The following CSMD1 variants were observed in gnomAD, a reference collection of about 807,000 sequenced individuals.
CSMD1 encodes CUB and Sushi multiple domains 1, also known as CUB and sushi domain-containing protein 1.
In CSMD1, 213 loss-of-function variants were observed where a neutral mutation model predicts 417.5. That is an observed-to-expected ratio of 0.51 (90% CI 0.46 to 0.57). The LOEUF is 0.57. Among genes scored for constraint, CSMD1 ranks in the 20% least tolerant of loss-of-function variants. CSMD1 has a pLI of 0.00. For missense variants in CSMD1, 6,923 were observed against 4,529.7 expected (o/e 1.53, Z -15.17); for synonymous variants, 2,862 against 1,736.8 (o/e 1.65, Z -16.11).
chr8:4,896,087 C>T (rs79457817), intron 1 of CSMD1, among the ~76,000 whole-genome samples: 1 of 152,050 alleles, frequency 6.6e-6, no homozygotes, highest in Non-Finnish European at 1.5e-5. Flanking sequence ...CTTCCTCTGT[C>T]TGAAAATTTT....
chr8:3,180,341 T>C (rs527407364), intron 37 of CSMD1, among the ~76,000 whole-genome samples: 33 of 152,264 alleles, frequency 2.2e-4, no homozygotes, highest in African/African-American at 7.5e-4. Context: ...AACACACAAA[T>C]GCAGGCTCCG....
At chr8:4,311,027 G>C (rs745854480) in intron 3 of CSMD1, among the ~76,000 whole-genome samples, 2 of 152,164 alleles carry the variant, frequency 1.3e-5, no homozygotes, top group East Asian at 1.9e-4. Flanking sequence ...GTGGAGAAAA[G>C]GGAACACTTA....
intron 12 of CSMD1, among the ~76,000 whole-genome samples, chr8:3,447,784 A>G (rs547207326): frequency 1.3e-5 from 2 of 152,238 alleles, no homozygotes; most frequent in African/African-American, 4.8e-5. Flanking sequence ...GTGGCAGTGG[A>G]TGGAGGGTGC....
intron 8 of CSMD1, among the ~76,000 whole-genome samples, chr8:3,611,214 C>G (rs532618157): frequency 1.7e-4 from 25 of 150,800 alleles, no homozygotes; most frequent in Admixed American, 6.6e-4. Flanking sequence ...CACATGTACC[C>G]TAAAAACTTA....
intron 3 of CSMD1, among the ~76,000 whole-genome samples, chr8:4,124,751 G>C (rs1034743651): frequency 3.3e-5 from 5 of 152,154 alleles, no homozygotes; most frequent in African/African-American, 1.2e-4. Flanking sequence ...TGCAAACTAA[G>C]GGACTGAAAC....
chr8:3,733,600 C>T (rs932208401), intron 6 of CSMD1, among the ~76,000 whole-genome samples: 4 of 152,034 alleles, frequency 2.6e-5, no homozygotes, highest in Admixed American at 1.3e-4. Flanking sequence ...CCCTGCACCG[C>T]CCTGCTGCAT....
At chr8:4,572,009 G>C (rs1448355869) in intron 2 of CSMD1, among the ~76,000 whole-genome samples, 2 of 152,200 alleles carry the variant, frequency 1.3e-5, no homozygotes, top group African/African-American at 4.8e-5. Context: ...TGGAGCCTAT[G>C]TGTGTCTTCG....
At chr8:4,867,641 C>A (rs950351582) in intron 1 of CSMD1, among the ~76,000 whole-genome samples, 8 of 152,048 alleles carry the variant, frequency 5.3e-5, no homozygotes, top group Middle Eastern at 3.4e-3. Flanking sequence ...GTCGCAATGC[C>A]AGATTGGAAA....
At chr8:3,202,696 C>T (rs537734919) in intron 31 of CSMD1, among the ~76,000 whole-genome samples, 4 of 152,246 alleles carry the variant, frequency 2.6e-5, no homozygotes, top group East Asian at 3.9e-4. Flanking sequence ...AGAATTCCAA[C>T]GGAAACAATT....
At chr8:3,981,488 T>A (rs1813859492) in intron 5 of CSMD1, among the ~76,000 whole-genome samples, 1 of 108,604 alleles carries the variant, frequency 9.2e-6, no homozygotes, top group South Asian at 2.9e-4. Flanking sequence ...TCCAATAACT[T>A]ATAGAAAAAA....
At chr8:3,110,015 C>G (rs1025213641) in intron 43 of CSMD1, 143 bp downstream of exon 43, 1 of 691,796 alleles carries the variant, frequency 1.4e-6, no homozygotes, top group African/African-American at 1.8e-5. Context: ...TTCCCTATAT[C>G]TCTGGATTTC....
chr8:4,102,840 C>G (rs996540180), intron 3 of CSMD1, among the ~76,000 whole-genome samples: 5 of 152,154 alleles, frequency 3.3e-5, no homozygotes, highest in Non-Finnish European at 5.9e-5. Flanking sequence ...TGCTTGATAT[C>G]AGGAAGGAAT....
intron 3 of CSMD1, among the ~76,000 whole-genome samples, chr8:4,151,273 G>T: frequency 6.6e-6 from 1 of 152,240 alleles, no homozygotes; most frequent in South Asian, 2.1e-4. Flanking sequence ...GACTACTTTA[G>T]ACCATGCATG....
intron 3 of CSMD1, among the ~76,000 whole-genome samples, chr8:4,219,091 T>A (rs1288170525): frequency 6.6e-6 from 1 of 152,202 alleles, no homozygotes; most frequent in Non-Finnish European, 1.5e-5. Context: ...TTCCTGTTCC[T>A]CTAACACCCA....
At chr8:4,296,051 A>T (rs1002004604) in intron 3 of CSMD1, among the ~76,000 whole-genome samples, 1 of 152,108 alleles carries the variant, frequency 6.6e-6, no homozygotes, top group Non-Finnish European at 1.5e-5. Flanking sequence ...TGCAAAAAAG[A>T]CTGAAGGAGC....
At chr8:3,506,600 G>C (rs940724527) in intron 10 of CSMD1, among the ~76,000 whole-genome samples, 3 of 151,982 alleles carry the variant, frequency 2.0e-5, no homozygotes, top group African/African-American at 7.3e-5. Flanking sequence ...ATATCTCTAT[G>C]TCTCCCAAAA....
At chr8:3,672,153 G>C (rs141141906) in intron 7 of CSMD1, among the ~76,000 whole-genome samples, 1 of 152,274 alleles carries the variant, frequency 6.6e-6, no homozygotes, top group Non-Finnish European at 1.5e-5. Context: ...TTGTTTTCTA[G>C]TGTGAAATCT....
rs149923746 is a variant in CSMD1, at chr8:3,461,128, C to T, written c.1561+7584G>A. Among the ~76,000 whole-genome samples, 1,100 of 152,270 alleles carry T rather than the reference C, an allele frequency of 7.2e-3. 12 individuals carry two copies. Among genetic ancestry groups the T allele is most frequent in the African/African-American group, 0.025 (1,037 of 41,556 alleles). ...TCCCACCATCAGATGCGGCCCTCATCGCTCTGCGGAACTGAGGCTGCTAGA... is the reference window on the plus strand; with the variant it reads ...TCCCACCATCAGATGCGGCCCTCATTGCTCTGCGGAACTGAGGCTGCTAGA... On this transcript the variant is annotated intron_variant, in intron 12 of 69. Transcript: ENST00000635120.
chr8:4,274,082 C>T (rs62481990), intron 3 of CSMD1, among the ~76,000 whole-genome samples: 79 of 152,214 alleles, frequency 5.2e-4, no homozygotes, highest in Non-Finnish European at 1.0e-3. Context: ...TAATATATAA[C>T]TCATTTACTA....
Sources: gnomAD v4.1 joint callset for allele counts (sites outside exome capture counted in the v4.1 genomes callset) on GRCh38, gnomAD v4.1.1 for gene constraint, MANE v1.5 for transcripts, NCBI Gene and HGNC (gene_info 2026-07-23, HGNC 2026-07-21) for gene names.